The following PIP4K2A variants were observed in gnomAD, a reference collection of about 807,000 sequenced individuals.
PIP4K2A encodes phosphatidylinositol-5-phosphate 4-kinase type 2 alpha, also known as phosphatidylinositol 5-phosphate 4-kinase type-2 alpha.
PIP4K2A carries 14 observed loss-of-function variants against 42.9 expected under a neutral mutation model. The observed-to-expected ratio is 0.33, with a 90% CI of 0.22 to 0.51. The LOEUF is 0.51. Among genes scored for constraint, PIP4K2A ranks in the 20% least tolerant of loss-of-function variants. The pLI is 0.97. For missense variants in PIP4K2A, 434 were observed against 519.8 expected (o/e 0.83, Z 1.61); for synonymous variants, 192 against 192.2 (o/e 1.00, Z 0.01).
intron 1 of PIP4K2A, among the ~76,000 whole-genome samples, chr10:22,703,793 TGAGA>T (rs1271882139): frequency 1.3e-5 from 2 of 152,168 alleles, no homozygotes; most frequent in East Asian, 3.8e-4. Context: ...ACAGTGTTCC[TGAGA>T]AAGAAGATTC....
chr10:22,675,028 G>T (rs114323582), intron 1 of PIP4K2A, among the ~76,000 whole-genome samples: 1 of 151,942 alleles, frequency 6.6e-6, no homozygotes, highest in Non-Finnish European at 1.5e-5. Flanking sequence ...GGTAGCCAAC[G>T]TAACTATTAA....
intron 6 of PIP4K2A, 32 bp from the exon 7 acceptor site, chr10:22,550,804 C>A (rs777861486): frequency 7.3e-7 from 1 of 1,368,126 alleles, no homozygotes; most frequent in East Asian, 2.3e-5. Context: ...ATGACAAAGG[C>A]GCTTGAAGAA....
intron 4 of PIP4K2A, among the ~76,000 whole-genome samples, chr10:22,573,966 G>GA (rs1415146569): frequency 1.3e-5 from 2 of 152,206 alleles, no homozygotes; most frequent in Admixed American, 6.5e-5. Context: ...GAGCAGGGGA[G>GA]AAGGGGGCAA....
intron 1 of PIP4K2A, among the ~76,000 whole-genome samples, chr10:22,671,993 A>T (rs1839460939): frequency 6.6e-6 from 1 of 152,172 alleles, no homozygotes; most frequent in South Asian, 2.1e-4. Context: ...TCTAAGTCAA[A>T]GCTATTAGAC....
intron 1 of PIP4K2A, among the ~76,000 whole-genome samples, chr10:22,705,843 C>T (rs995850856): frequency 1.3e-5 from 2 of 151,846 alleles, no homozygotes; most frequent in East Asian, 3.9e-4. Flanking sequence ...AGTCTGTTCT[C>T]ACGCTGCTGT....
chr10:22,602,793 CTCCTG>C (rs777165434), intron 3 of PIP4K2A, among the ~76,000 whole-genome samples: 3 of 152,158 alleles, frequency 2.0e-5, no homozygotes, highest in Admixed American at 6.5e-5. Flanking sequence ...TCAAGAGATC[CTCCTG>C]CACTGGCCAC....
At chr10:22,610,544 A>C (rs995182390) in intron 1 of PIP4K2A, among the ~76,000 whole-genome samples, 1 of 152,206 alleles carries the variant, frequency 6.6e-6, no homozygotes, top group Non-Finnish European at 1.5e-5. Context: ...AAAACAAAAC[A>C]AGCAAACAAC....
intron 1 of PIP4K2A, among the ~76,000 whole-genome samples, chr10:22,680,942 G>A (rs959641328): frequency 6.6e-6 from 1 of 152,146 alleles, no homozygotes; most frequent in African/African-American, 2.4e-5. Flanking sequence ...TTTGGGAGGG[G>A]CCCCTCACCT....
chr10:22,616,239 G>C (rs572331120), intron 1 of PIP4K2A, among the ~76,000 whole-genome samples: 1 of 152,146 alleles, frequency 6.6e-6, no homozygotes, highest in Non-Finnish European at 1.5e-5. Context: ...GGAGGAAGCC[G>C]GGGAGAGCTC....
At chr10:22,566,312 A>T (rs1836846289) in intron 6 of PIP4K2A, among the ~76,000 whole-genome samples, 2 of 152,188 alleles carry the variant, frequency 1.3e-5, no homozygotes, top group Non-Finnish European at 2.9e-5. Context: ...TAGGAAAAAC[A>T]GAAAAGAACC....
intron 1 of PIP4K2A, among the ~76,000 whole-genome samples, chr10:22,680,247 C>T (rs918162455): frequency 1.3e-5 from 2 of 151,834 alleles, no homozygotes; most frequent in African/African-American, 2.4e-5. Flanking sequence ...GTTTACTACA[C>T]GAATAAAGCA....
chr10:22,615,439 T>C (rs973044121), intron 1 of PIP4K2A, among the ~76,000 whole-genome samples: 3 of 152,200 alleles, frequency 2.0e-5, no homozygotes, highest in Admixed American at 6.5e-5. Context: ...AAGATACTTA[T>C]ATTGGGAACA....
At chr10:22,588,821 TAAAAAG>T (rs2130817879) in intron 4 of PIP4K2A, among the ~76,000 whole-genome samples, 1 of 152,260 alleles carries the variant, frequency 6.6e-6, no homozygotes, top group African/African-American at 2.4e-5. Flanking sequence ...ATTCTGTTTA[TAAAAAG>T]AAAAAGTATA....
chr10:22,589,927 C>T (rs1320359293), intron 4 of PIP4K2A, among the ~76,000 whole-genome samples: 1 of 152,114 alleles, frequency 6.6e-6, no homozygotes, highest in Admixed American at 6.5e-5. Context: ...GTTTGTGTCC[C>T]CCAAAATGCT....
At chr10:22,581,630 G>C (rs963339266) in intron 4 of PIP4K2A, among the ~76,000 whole-genome samples, 12 of 148,122 alleles carry the variant, frequency 8.1e-5, no homozygotes, top group Non-Finnish European at 1.2e-4. Flanking sequence ...GTTCACTTCT[G>C]CACTGTCATA....
chr10:22,646,216 C>A (rs1838878282), intron 1 of PIP4K2A: 1 of 152,176 alleles, frequency 6.6e-6, no homozygotes, highest in Admixed American at 6.5e-5. Flanking sequence ...ACCAAGAACC[C>A]ACCTTTGGGG....
chr10:22,541,578 A>G (rs1836115084), intron 8 of PIP4K2A, among the ~76,000 whole-genome samples: 1 of 152,134 alleles, frequency 6.6e-6, no homozygotes, highest in African/African-American at 2.4e-5. Flanking sequence ...GTTTTGCTGT[A>G]TTCCCTCAAC....
At position 22,537,061 on chromosome 10, in the gene PIP4K2A, T is replaced by A; in HGVS notation, c.*140A>T. ...GTAAAGCGAGTAGCCCCCAAATCAG[T>A]CATCTTGGCCTGAAGATGTAAACAA... On this transcript the variant is annotated 3_prime_UTR_variant, in exon 10 of 10. Coordinates refer to ENST00000376573, the MANE Select transcript of PIP4K2A (RefSeq NM_005028.5). The A allele has an allele frequency of 1.6e-6, 1 of 636,656 alleles. No homozygotes were observed. Among genetic ancestry groups the A allele is most frequent in the Middle Eastern group, 2.7e-4 (1 of 3,714 alleles). The allele number at this position is 636,656 out of a possible 1,614,324, so 39.4% of individuals were successfully genotyped here.
In PIP4K2A at chr10:22,538,283, T is replaced by A. The variant is rs928869095; in HGVS notation, c.1141-1002A>T. On this transcript the variant is annotated intron_variant, in intron 9 of 9. Coordinates refer to ENST00000376573, the MANE Select transcript of PIP4K2A (RefSeq NM_005028.5). The stretch of plus-strand genomic sequence containing the variant: ...TTCTTGCAAACTACCTGTGATTTTA[T>A]GCCGTGTGGCACACTATGGAGGCGA... Among the ~76,000 whole-genome samples the A allele has an allele frequency of 3.3e-5, 5 of 152,226 alleles. No homozygotes were observed. In the East Asian group the frequency reaches 9.6e-4, roughly 29 times the overall value.
Sources: allele counts gnomAD v4.1 joint callset (sites outside exome capture counted in the v4.1 genomes callset), GRCh38; gene constraint gnomAD v4.1.1; transcripts MANE v1.5; gene names NCBI Gene and HGNC (gene_info 2026-07-23, HGNC 2026-07-21).